Variants in RASAL2 observed in about 807,000 individuals in gnomAD.
The protein encoded by RASAL2 is RAS protein activator like 2.
A neutral mutation model predicts 128.9 loss-of-function variants in RASAL2; 58 were observed. That is an observed-to-expected ratio of 0.45 (90% CI 0.36 to 0.56). The LOEUF (loss-of-function observed/expected upper bound fraction) is 0.56. Among genes scored for constraint, RASAL2 ranks in the 20% least tolerant of loss-of-function variants. The pLI, the probability that RASAL2 is intolerant of heterozygous loss-of-function variation, is 0.00. For missense variants in RASAL2, 1,360 were observed against 1,601.6 expected, an observed-to-expected ratio of 0.85 and a Z score of 2.57; for synonymous variants, 561 against 580.8, an observed-to-expected ratio of 0.97 and a Z score of 0.49.
intron 1 of RASAL2, among the ~76,000 whole-genome samples, chr1:178,229,755 C>G (rs1304252181): frequency 6.6e-6 from 1 of 152,152 alleles, no homozygotes; most frequent in Non-Finnish European, 1.5e-5. Context: ...ATCTATAACA[C>G]TGATTAAGCA....
chr1:178,423,502 T>C (rs1675297932), intron 5 of RASAL2, among the ~76,000 whole-genome samples: 1 of 152,172 alleles, frequency 6.6e-6, no homozygotes, highest in Non-Finnish European at 1.5e-5. Flanking sequence ...TTATATAAAC[T>C]AACTCATTTA....
chr1:178,324,313 G>A (rs1668928692), intron 3 of RASAL2, among the ~76,000 whole-genome samples: 1 of 152,036 alleles, frequency 6.6e-6, no homozygotes, highest in South Asian at 2.1e-4. Context: ...CCAACTACTT[G>A]GGAGGCTAAG....
intron 2 of RASAL2, among the ~76,000 whole-genome samples, chr1:178,298,084 T>C (rs1364861632): frequency 2.6e-5 from 4 of 152,200 alleles, no homozygotes; most frequent in Non-Finnish European, 5.9e-5. Flanking sequence ...GACTATTTTT[T>C]CCAAATTTAC....
intron 9 of RASAL2, among the ~76,000 whole-genome samples, chr1:178,450,066 T>C (rs953229323): frequency 4.6e-5 from 7 of 152,130 alleles, no homozygotes; most frequent in Non-Finnish European, 7.4e-5. Context: ...ACAGGAGACA[T>C]AGAGAACATA....
At chr1:178,353,718 A>G (rs145161015) in intron 3 of RASAL2, among the ~76,000 whole-genome samples, 9 of 152,370 alleles carry the variant, frequency 5.9e-5, no homozygotes, top group Admixed American at 1.3e-4. Flanking sequence ...AACTGTAATC[A>G]TGATAGTGAC....
chr1:178,424,450 T>C (rs1675386742), intron 5 of RASAL2, among the ~76,000 whole-genome samples: 1 of 151,844 alleles, frequency 6.6e-6, no homozygotes, highest in African/African-American at 2.4e-5. Flanking sequence ...AACCTTATCT[T>C]CACTCATTAC....
rs1281138428 is a variant in RASAL2 at position 178,163,835 on chromosome 1, T to G, written c.202+69141T>G. 2.6e-5 allele frequency among the ~76,000 whole-genome samples: 4 copies of G among 152,334 alleles called. No homozygotes were observed. The East Asian group carries it at 7.7e-4, about 29-fold the overall frequency. ...ACCATTTGGGATTTTAATAGAGATT[T>G]TGTTTAATTTGTAGATCAATTTAGG... On this transcript the variant is annotated intron_variant, in intron 1 of 17. Coordinates refer to ENST00000367649, the MANE Select transcript of RASAL2 (RefSeq NM_170692.4).
At chr1:178,155,955 C>T (rs928466710) in intron 1 of RASAL2, among the ~76,000 whole-genome samples, 1 of 152,064 alleles carries the variant, frequency 6.6e-6, no homozygotes, top group Admixed American at 6.5e-5. Context: ...ACAATGTTTG[C>T]TTGCTCTTCC....
intron 9 of RASAL2, among the ~76,000 whole-genome samples, chr1:178,450,184 T>C (rs1489594485): frequency 6.6e-6 from 1 of 152,174 alleles, no homozygotes; most frequent in African/African-American, 2.4e-5. Context: ...ATTTTTAAAT[T>C]AAAATACTTT....
At chr1:178,335,335 A>G (rs1571879775) in intron 3 of RASAL2, among the ~76,000 whole-genome samples, 1 of 152,216 alleles carries the variant, frequency 6.6e-6, no homozygotes, top group Non-Finnish European at 1.5e-5. Flanking sequence ...TATATAAAAT[A>G]TAGGGTCTGA....
intron 1 of RASAL2, among the ~76,000 whole-genome samples, chr1:178,222,810 A>G (rs1212786136): frequency 6.6e-6 from 1 of 152,202 alleles, no homozygotes; most frequent in Admixed American, 6.5e-5. Flanking sequence ...TTGTACATCT[A>G]CTAAATTGGC....
intron 5 of RASAL2, among the ~76,000 whole-genome samples, chr1:178,429,903 C>T (rs1424767493): frequency 2.0e-5 from 3 of 152,118 alleles, no homozygotes; most frequent in Non-Finnish European, 4.4e-5. Context: ...TGCTCCCTCC[C>T]TTCTTTTTGG....
chr1:178,363,763 A>G (rs1671246984), intron 3 of RASAL2, among the ~76,000 whole-genome samples: 1 of 152,208 alleles, frequency 6.6e-6, no homozygotes, highest in South Asian at 2.1e-4. Context: ...CAATCAGACT[A>G]TAAATATTAT....
intron 1 of RASAL2, among the ~76,000 whole-genome samples, chr1:178,196,170 T>C (rs1253617145): frequency 1.3e-5 from 2 of 152,152 alleles, no homozygotes; most frequent in African/African-American, 4.8e-5. Context: ...GGGGTACTTC[T>C]TCTCATTAAT....
At chr1:178,290,935 C>G (rs908763574) in intron 2 of RASAL2, among the ~76,000 whole-genome samples, 1 of 152,122 alleles carries the variant, frequency 6.6e-6, no homozygotes, top group Non-Finnish European at 1.5e-5. Context: ...CTCAGCCTCC[C>G]AAAGTGCTGG....
intron 1 of RASAL2, among the ~76,000 whole-genome samples, chr1:178,120,255 G>T (rs1416374756): frequency 6.6e-6 from 1 of 152,134 alleles, no homozygotes; most frequent in Non-Finnish European, 1.5e-5. Flanking sequence ...AATTTAAGTA[G>T]GACTCTTGGT....
chr1:178,415,694 G>C (rs1001689279), intron 4 of RASAL2, among the ~76,000 whole-genome samples: 8 of 152,040 alleles, frequency 5.3e-5, no homozygotes, highest in African/African-American at 1.9e-4. Flanking sequence ...AGATTTATCT[G>C]TTTCTCCTAG....
At chr1:178,364,978 AC>A (rs1184619083) in intron 3 of RASAL2, among the ~76,000 whole-genome samples, 1 of 152,102 alleles carries the variant, frequency 6.6e-6, no homozygotes. Context: ...ATAATCATTA[AC>A]GTCTTTAAAC....
At chr1:178,291,098 G>C (rs1200773459) in intron 2 of RASAL2, among the ~76,000 whole-genome samples, 5 of 152,158 alleles carry the variant, frequency 3.3e-5, no homozygotes, top group Admixed American at 3.3e-4. Flanking sequence ...TGCTTGGACT[G>C]TATCTTAAGG....
Sources: allele counts gnomAD v4.1 joint callset (sites outside exome capture counted in the v4.1 genomes callset), GRCh38; gene constraint gnomAD v4.1.1; transcripts MANE v1.5; gene names NCBI Gene and HGNC (gene_info 2026-07-23, HGNC 2026-07-21).